The following NAV3 variants were observed in gnomAD, a reference collection of about 807,000 sequenced individuals.
NAV3 encodes the protein pore membrane and/or filament interacting like protein 1.
NAV3 carries 87 observed loss-of-function variants against 244.7 expected under a neutral mutation model. That is an observed-to-expected ratio of 0.36 (90% CI 0.30 to 0.42). NAV3 has a LOEUF of 0.42. Among genes scored for constraint, NAV3 ranks in the 20% least tolerant of loss-of-function variants. The probability of loss-of-function intolerance (pLI) is 1.00; values close to 1 mark genes in which losing one functional copy is unlikely to be tolerated. For synonymous variants in NAV3, 1,126 were observed against 1,042.2 expected (o/e 1.08, Z -1.55); for missense variants, 2,663 against 2,893.3 (o/e 0.92, Z 1.83).
intron 2 of NAV3, among the ~76,000 whole-genome samples, chr12:77,608,433 T>C (rs929596344): frequency 3.9e-5 from 6 of 152,110 alleles, no homozygotes; most frequent in South Asian, 2.1e-4. Flanking sequence ...GTTGAGACAG[T>C]ATTATCCTCT....
At chr12:77,909,151 C>T (rs1435294614) in intron 1 of NAV3, among the ~76,000 whole-genome samples, 1 of 151,940 alleles carries the variant, frequency 6.6e-6, no homozygotes, top group Non-Finnish European at 1.5e-5. Flanking sequence ...ATGTGGCTAC[C>T]GTTTTTGCTA....
chr12:77,622,534 A>AT (rs529338324), intron 2 of NAV3, among the ~76,000 whole-genome samples: 11,861 of 90,590 alleles, frequency 0.13, 1,412 homozygotes, highest in Non-Finnish European at 0.17. Context: ...ATCCATATGG[A>AT]TTTTTTTTTT....
chr12:77,894,503 C>T (rs1395284086), intron 1 of NAV3, among the ~76,000 whole-genome samples: 1 of 151,940 alleles, frequency 6.6e-6, no homozygotes, highest in Non-Finnish European at 1.5e-5. Context: ...CCCATAATAA[C>T]AACATGAGAG....
intron 2 of NAV3, among the ~76,000 whole-genome samples, chr12:77,717,675 C>T (rs565629113): frequency 1.3e-5 from 2 of 152,006 alleles, no homozygotes; most frequent in South Asian, 4.2e-4. Flanking sequence ...AACTTTCATA[C>T]TGTTTTCCAT....
At chr12:78,070,638 G>C (rs1200103232) in intron 12 of NAV3, among the ~76,000 whole-genome samples, 3 of 151,150 alleles carry the variant, frequency 2.0e-5, no homozygotes, top group African/African-American at 2.4e-5. Flanking sequence ...TGCCATGCTG[G>C]TGCGCTGCAC....
At chr12:78,158,804 GGAATATTT>G (rs1231242118) in intron 22 of NAV3, among the ~76,000 whole-genome samples, 5 of 152,098 alleles carry the variant, frequency 3.3e-5, no homozygotes, top group South Asian at 2.1e-4. Flanking sequence ...ATAAAAATGA[GGAATATTT>G]GTCCATTGAC....
At chr12:77,680,796 A>G (rs1051637666) in intron 2 of NAV3, among the ~76,000 whole-genome samples, 1 of 152,216 alleles carries the variant, frequency 6.6e-6, no homozygotes, top group African/African-American at 2.4e-5. Flanking sequence ...GGTTTCATAT[A>G]GGAGACAAGA....
intron 2 of NAV3, among the ~76,000 whole-genome samples, chr12:77,675,825 C>G (rs959737200): frequency 2.6e-5 from 4 of 152,092 alleles, no homozygotes; most frequent in African/African-American, 7.2e-5. Context: ...CTGTGCTGGT[C>G]CTTGTGTGTT....
At chr12:78,151,104 G>T (rs1255661570) in intron 22 of NAV3, among the ~76,000 whole-genome samples, 1 of 151,932 alleles carries the variant, frequency 6.6e-6, no homozygotes, top group Non-Finnish European at 1.5e-5. Flanking sequence ...AGAAGCAGCA[G>T]TGCCAAATAG....
chr12:78,008,551 A>G (rs1874646004), intron 8 of NAV3, among the ~76,000 whole-genome samples: 1 of 152,172 alleles, frequency 6.6e-6, no homozygotes, highest in African/African-American at 2.4e-5. Context: ...AATAGGAAGC[A>G]GGACCCACTA....
At chr12:78,023,537 A>C (rs1003406724) in intron 9 of NAV3, among the ~76,000 whole-genome samples, 23 of 152,326 alleles carry the variant, frequency 1.5e-4, no homozygotes, top group African/African-American at 5.3e-4. Context: ...AAAAGAAAGA[A>C]AACAGAAAAT....
chr12:78,059,247 G>T, intron 12 of NAV3, 132 bp downstream of exon 12: 2 of 844,676 alleles, frequency 2.4e-6, no homozygotes, highest in Non-Finnish European at 3.3e-6. Context: ...ATTTTATTTT[G>T]ATAAATAATT....
chr12:78,096,308 T>C (rs927352076), intron 12 of NAV3, among the ~76,000 whole-genome samples: 1 of 152,308 alleles, frequency 6.6e-6, no homozygotes, highest in East Asian at 1.9e-4. Context: ...CAAGGCTTTA[T>C]ATCATTCATT....
intron 1 of NAV3, among the ~76,000 whole-genome samples, chr12:77,834,036 T>TC (rs1355362501): frequency 6.6e-6 from 1 of 152,246 alleles, no homozygotes; most frequent in Admixed American, 6.5e-5. Context: ...TGTGTTCCTC[T>TC]CGATGTCCAG....
rs189155628 is a variant in NAV3 at position 77,831,604 on chromosome 12, A to C, written c.143A>C (p.Glu48Ala). The change falls in exon 1 of 40, where the codon GAG becomes GCG. Residue 48 changes from glutamate to alanine, a missense_variant. Coordinates refer to ENST00000397909, the MANE Select transcript of NAV3 (RefSeq NM_001024383.2). ...SSRPLELTETESSMLSCQLAL... is the reference protein window; with the variant it reads ...SSRPLELTETASSMLSCQLAL... ...AGACCTTTGGAACTTACTGAAACAG[A>C]GAGCTCCATGCTTTCTTGTCAGCTT... 7.8e-5 allele frequency: 126 copies of C among 1,614,104 alleles called. 2 individuals are homozygous for C. In the East Asian group the frequency reaches 2.0e-3, roughly 26 times the overall value.
chr12:77,726,588 GAA>G (rs950115246), intron 2 of NAV3, among the ~76,000 whole-genome samples: 2 of 151,852 alleles, frequency 1.3e-5, no homozygotes, highest in Non-Finnish European at 2.9e-5. Context: ...AAAATGGAAA[GAA>G]TATTTCTTCA....
At chr12:78,028,269 A>G (rs925133499) in intron 9 of NAV3, among the ~76,000 whole-genome samples, 3 of 152,232 alleles carry the variant, frequency 2.0e-5, no homozygotes, top group Non-Finnish European at 4.4e-5. Flanking sequence ...ATAAGCAAAG[A>G]TCTTTCACAA....
At chr12:78,163,739 G>A (rs1018701051) in intron 23 of NAV3, among the ~76,000 whole-genome samples, 4 of 152,060 alleles carry the variant, frequency 2.6e-5, no homozygotes, top group African/African-American at 7.2e-5. Context: ...GCTGGGGAGT[G>A]AAATTATCTC....
intron 34 of NAV3, among the ~76,000 whole-genome samples, chr12:78,194,785 G>A (rs988898059): frequency 1.3e-5 from 2 of 151,750 alleles, no homozygotes; most frequent in Non-Finnish European, 2.9e-5. Context: ...TCATATTTTC[G>A]TGTTTCTGAC....
Sources: allele counts gnomAD v4.1 joint callset (sites outside exome capture counted in the v4.1 genomes callset), GRCh38; gene constraint gnomAD v4.1.1; transcripts MANE v1.5; gene names NCBI Gene and HGNC (gene_info 2026-07-23, HGNC 2026-07-21).